Variants in C18orf32 observed in about 807,000 individuals in gnomAD.
C18orf32 encodes chromosome 18 open reading frame 32.
A neutral mutation model predicts 7.4 loss-of-function variants in C18orf32; 5 were observed. That is an observed-to-expected ratio of 0.68 (90% CI 0.35 to 1.42). The LOEUF is 1.42. C18orf32 is among the 40% of genes most tolerant of loss of function. C18orf32 has a pLI of 0.04. For missense variants in C18orf32, 88 were observed against 92.4 expected (o/e 0.95, Z 0.19); for synonymous variants, 30 against 29.3 (o/e 1.02, Z -0.08).
In C18orf32 at chr18:49,479,681, G is replaced by A. The variant is rs192655768; in HGVS notation, c.*2664C>T. On this transcript the variant is annotated 3_prime_UTR_variant, in exon 3 of 3. Coordinates refer to ENST00000318240, the MANE Select transcript of C18orf32 (RefSeq NM_001035005.4). ...GTGACTTCTGGCTGAGGAACAGTTG[G>A]CCTGAGGTGACCTTGCAGAGAGAGG... The A allele has an allele frequency of 6.4e-3, 973 of 152,464 alleles. 4 individuals are homozygous for A. The highest frequency in any genetic ancestry group is 0.015 in the South Asian group (71 of 4,836). 9.4% of individuals were successfully genotyped at this position (152,464 alleles called of 1,614,324 possible).
Position 49,482,109 on chromosome 18 carries a change from ATAACAGAAATGAAAGCTACAT to A in C18orf32, c.*215_*235del, listed in dbSNP as rs2083668203. 2 of 460,642 alleles carry A rather than the reference ATAACAGAAATGAAAGCTACAT, an allele frequency of 4.3e-6. No individual in the cohort carries two copies. The highest frequency in any genetic ancestry group is 7.7e-6 in the Non-Finnish European group (2 of 261,162). The allele number at this position is 460,642 out of a possible 1,614,324, so 28.5% of individuals were successfully genotyped here. On this transcript the variant is annotated 3_prime_UTR_variant, in exon 3 of 3. Transcript: ENST00000318240. ...ATTTAATCATATTATTCAAACAGCA[ATAACAGAAATGAAAGCTACAT>A]TAACGAAAAAGGAACTTAGGAATGA...
At position 49,480,124 on chromosome 18, in the gene C18orf32, G is replaced by C. The variant is rs1448651391; in HGVS notation, c.*2221C>G. 6.6e-6 allele frequency: 1 copy of C among 152,268 alleles called. No homozygotes were observed. The highest frequency in any genetic ancestry group is 2.4e-5 in the African/African-American group (1 of 41,422). The allele number at this position is 152,268 out of a possible 1,614,324, so 9.4% of individuals were successfully genotyped here. A position where few individuals can be genotyped will look rare whatever the true frequency, so the allele number is the denominator to read the frequency against. Reference sequence around the variant, plus strand: ...AGGATCACTTTGAGGCCAGGAGTTTGAGACTCGCTTGGGCAACAGAGCAAG... The same window carrying C: ...AGGATCACTTTGAGGCCAGGAGTTTCAGACTCGCTTGGGCAACAGAGCAAG... On this transcript the variant is annotated 3_prime_UTR_variant, in exon 3 of 3. Transcript: ENST00000318240.
chr18:49,486,777 A>G (rs1027338612), intron 1 of C18orf32, among the ~76,000 whole-genome samples: 4 of 152,152 alleles, frequency 2.6e-5, no homozygotes, highest in Non-Finnish European at 5.9e-5. Context: ...CCAGTTGAGC[A>G]TGTCATCTTA....
Position 49,481,535 on chromosome 18 carries a change from G to C in C18orf32, c.*810C>G, listed in dbSNP as rs182485698. On this transcript the variant is annotated 3_prime_UTR_variant, in exon 3 of 3. Coordinates refer to ENST00000318240, the MANE Select transcript of C18orf32 (RefSeq NM_001035005.4). ...ACTAAATTTTGGAGTGTCTTGTTAC[G>C]CAACAATAGTAATTGTTGTCCCACC... 2.0e-5 allele frequency: 3 copies of C among 151,140 alleles called. No individual in the cohort carries two copies. The highest frequency in any genetic ancestry group is 7.3e-5 in the African/African-American group (3 of 41,084). 9.4% of individuals were successfully genotyped at this position (151,140 alleles called of 1,614,324 possible).
In C18orf32 at chr18:49,477,910, C is replaced by T. The variant is rs2148805866; in HGVS notation, c.*4435G>A. The T allele has an allele frequency of 1.4e-5, 2 of 140,876 alleles. No individual in the cohort carries two copies. Among genetic ancestry groups the T allele is most frequent in the African/African-American group, 2.8e-5 (1 of 35,288 alleles). The allele number at this position is 140,876 out of a possible 1,614,324, so 8.7% of individuals were successfully genotyped here. On this transcript the variant is annotated 3_prime_UTR_variant, in exon 3 of 3. Coordinates refer to ENST00000318240, the MANE Select transcript of C18orf32 (RefSeq NM_001035005.4). ...TATATATATACACTATATGTATATA[C>T]ACTATATATATATACACACTATATA...
chr18:49,486,311 T>C (rs552745808), intron 1 of C18orf32: 40 of 152,280 alleles, frequency 2.6e-4, no homozygotes, highest in African/African-American at 9.1e-4. Flanking sequence ...AGTACTAGTT[T>C]AGTGACTGAC....
chr18:49,477,853 A>T lies in C18orf32; in HGVS notation c.*4492T>A, dbSNP rs991018252. The T allele has an allele frequency of 1.0e-4, 14 of 136,356 alleles. No homozygotes were observed. Among genetic ancestry groups the T allele is most frequent in the African/African-American group, 4.2e-4 (14 of 33,474 alleles). 8.4% of individuals were successfully genotyped at this position (136,356 alleles called of 1,614,324 possible). A position where few individuals can be genotyped will look rare whatever the true frequency, so the allele number is the denominator to read the frequency against. ...TATACACATATATATATATACACAC[A>T]CTATATATATACACACTATATATAT... is the stretch of plus-strand genomic sequence containing the variant. On this transcript the variant is annotated 3_prime_UTR_variant, in exon 3 of 3. Coordinates refer to ENST00000318240, the MANE Select transcript of C18orf32 (RefSeq NM_001035005.4).
rs767172197 is a variant in C18orf32 at position 49,482,409 on chromosome 18, C to T, written c.167G>A (p.Gly56Asp). ...DTNKGKVNFK[G>D]ADMNGLPTKG... is the part of the protein sequence containing the mutation. Reference sequence around the variant, plus strand: ...TGTTGGTAATCCATTCATGTCTGCACCCTAAAATGAAAAAACATTTTAGAA... The same window carrying T: ...TGTTGGTAATCCATTCATGTCTGCATCCTAAAATGAAAAAACATTTTAGAA... The change falls in exon 3 of 3, where the codon GGT becomes GAT. Residue 56 changes from glycine to aspartate, a missense_variant and splice_region_variant. Physicochemically the swap from Gly to Asp is moderately conservative, Grantham distance 94 (BLOSUM62 -1). Transcript: ENST00000318240. 3.7e-6 allele frequency: 6 copies of T among 1,608,334 alleles called. No individual in the cohort carries two copies. The South Asian group carries it at 6.6e-5, about 18-fold the overall frequency.
rs1389459282 is a variant in C18orf32, at chr18:49,477,624, C to T, written c.*4721G>A. 6.7e-6 allele frequency: 1 copy of T among 149,554 alleles called. No homozygotes were observed. Among genetic ancestry groups the T allele is most frequent in the African/African-American group, 2.6e-5 (1 of 39,064 alleles). 9.3% of individuals were successfully genotyped at this position (149,554 alleles called of 1,614,324 possible). On this transcript the variant is annotated 3_prime_UTR_variant, in exon 3 of 3. Coordinates refer to ENST00000318240, the MANE Select transcript of C18orf32 (RefSeq NM_001035005.4). Reference sequence around the variant, plus strand: ...GTGAAACCCCGTCTCTACTAAAGTACAAAATTAGCCGGGTGTGGTAGCACG... The same window carrying T: ...GTGAAACCCCGTCTCTACTAAAGTATAAAATTAGCCGGGTGTGGTAGCACG...
chr18:49,485,434 A>G (rs766798778), intron 1 of C18orf32, among the ~76,000 whole-genome samples: 6 of 152,068 alleles, frequency 3.9e-5, no homozygotes, highest in Non-Finnish European at 5.9e-5. Flanking sequence ...GGCACCTGTA[A>G]TCCCAGCTAC....
At position 49,479,607 on chromosome 18, in the gene C18orf32, TAAAAG is replaced by T. The variant is rs1026141137; in HGVS notation, c.*2733_*2737del. 22 of 151,974 alleles carry T rather than the reference TAAAAG, an allele frequency of 1.4e-4. No individual in the cohort carries two copies. 9.4% of individuals were successfully genotyped at this position (151,974 alleles called of 1,614,324 possible). A position where few individuals can be genotyped will look rare whatever the true frequency, so the allele number is the denominator to read the frequency against. On this transcript the variant is annotated 3_prime_UTR_variant, in exon 3 of 3. Transcript: ENST00000318240. ...AGGGTGAAGGACAGGTTAGGAAAAA[TAAAAG>T]AAGTCAGGTGGAGTTGGCTGCCTGG...
Position 49,480,013 on chromosome 18 carries a change from T to G in C18orf32, c.*2332A>C, listed in dbSNP as rs1182367765. ...ATCTCAACCATTATGGGAAACAATG[T>G]CTGAAGTTGATGGCTCAAAATATAA... is the stretch of plus-strand genomic sequence containing the variant. On this transcript the variant is annotated 3_prime_UTR_variant, in exon 3 of 3. Transcript: ENST00000318240. 6.6e-6 allele frequency: 1 copy of G among 152,258 alleles called. No individual in the cohort carries two copies. The highest frequency in any genetic ancestry group is 1.9e-4 in the East Asian group (1 of 5,194). The allele number at this position is 152,258 out of a possible 1,614,324, so 9.4% of individuals were successfully genotyped here.
At position 49,479,391 on chromosome 18, in the gene C18orf32, A is replaced by C. The variant is rs1309644834; in HGVS notation, c.*2954T>G. 1 of 152,368 alleles carries C rather than the reference A, an allele frequency of 6.6e-6. No homozygotes were observed. The highest frequency in any genetic ancestry group is 2.4e-5 in the African/African-American group (1 of 41,456). 9.4% of individuals were successfully genotyped at this position (152,368 alleles called of 1,614,324 possible). On this transcript the variant is annotated 3_prime_UTR_variant, in exon 3 of 3. Coordinates refer to ENST00000318240, the MANE Select transcript of C18orf32 (RefSeq NM_001035005.4). ...CTAGGCAGGAGAGGTGTATGGGGAG[A>C]AGGTAAACTGGTCACTCCAGGAAGA...
At chr18:49,486,327 C>G (rs920542910) in intron 1 of C18orf32, 11 of 152,084 alleles carry the variant, frequency 7.2e-5, no homozygotes, top group African/African-American at 2.7e-4. Flanking sequence ...CTGACAGGCC[C>G]TCCATCATAA....
chr18:49,486,349 T>C (rs774018790), intron 1 of C18orf32: 1 of 152,212 alleles, frequency 6.6e-6, no homozygotes. Flanking sequence ...GATTCATTTT[T>C]ACTTCTGCAA....
intron 1 of C18orf32, among the ~76,000 whole-genome samples, chr18:49,486,832 T>C (rs530704346): frequency 1.3e-3 from 192 of 152,108 alleles, no homozygotes; most frequent in African/African-American, 3.3e-3. Flanking sequence ...ATGACAATGA[T>C]TGAAAAGAGA....
Position 49,482,276 on chromosome 18 carries a change from A to G in C18orf32, c.*69T>C. The G allele has an allele frequency of 9.0e-7, 1 of 1,113,320 alleles. No individual in the cohort carries two copies. The highest frequency in any genetic ancestry group is 1.4e-6 in the Non-Finnish European group (1 of 728,364). The allele number at this position is 1,113,320 out of a possible 1,614,324, so 69.0% of individuals were successfully genotyped here. ...GTCTCAGATAAAAAGGTCAGAGACA[A>G]TTACAAGGAAGATGCTTCATATTAT... On this transcript the variant is annotated 3_prime_UTR_variant, in exon 3 of 3. Transcript: ENST00000318240.
chr18:49,483,812 T>A, intron 1 of C18orf32, 41 bp from the exon 2 acceptor site: 1 of 1,572,188 alleles, frequency 6.4e-7, no homozygotes, highest in Non-Finnish European at 8.6e-7. Flanking sequence ...TCATCACAGA[T>A]TAGTAACTGA....
At chr18:49,484,698 C>T (rs776547945) in intron 1 of C18orf32, 1 of 152,222 alleles carries the variant, frequency 6.6e-6, no homozygotes, top group Non-Finnish European at 1.5e-5. Context: ...AAAACAACAA[C>T]ATTTGGTAGG....
Sources: allele counts gnomAD v4.1 joint callset (sites outside exome capture counted in the v4.1 genomes callset), GRCh38; gene constraint gnomAD v4.1.1; transcripts MANE v1.5; gene names NCBI Gene and HGNC (gene_info 2026-07-23, HGNC 2026-07-21).